Variants in PCDHA2 observed in about 807,000 individuals in gnomAD.
The protein encoded by PCDHA2 is protocadherin alpha 2.
A neutral mutation model predicts 66.0 loss-of-function variants in PCDHA2; 58 were observed. The ratio of observed to expected loss-of-function variants is 0.88; its 90% CI spans 0.71 to 1.09. The LOEUF is 1.09. PCDHA2 is among the 50% of genes least tolerant of loss of function. PCDHA2 has a pLI of 0.00. For missense variants in PCDHA2, 1,267 were observed against 1,242.3 expected (o/e 1.02, Z -0.30); for synonymous variants, 634 against 554.0 (o/e 1.14, Z -2.03).
At chr5:140,835,382 T>C (rs2150234724) in intron 1 of PCDHA2, 2 of 1,613,964 alleles carry the variant, frequency 1.2e-6, no homozygotes, top group East Asian at 4.5e-5. Context: ...TGGCTGGTCA[T>C]TGTACAGTTC....
At chr5:140,827,834 A>T in intron 1 of PCDHA2, 2 of 435,400 alleles carry the variant, frequency 4.6e-6, no homozygotes, top group Non-Finnish European at 4.0e-6. Context: ...AAGTAGAGAA[A>T]AGAAGATACT....
chr5:140,943,751 T>C (rs947548745), intron 1 of PCDHA2, among the ~76,000 whole-genome samples: 1 of 152,048 alleles, frequency 6.6e-6, no homozygotes, highest in South Asian at 2.1e-4. Flanking sequence ...CTAAAAGCAG[T>C]AGGAGATGTA....
intron 1 of PCDHA2, among the ~76,000 whole-genome samples, chr5:140,922,430 A>C (rs574413053): frequency 6.6e-6 from 1 of 152,364 alleles, no homozygotes; most frequent in East Asian, 1.9e-4. Flanking sequence ...GGCTGAGGGC[A>C]GAACTCTCTC....
intron 1 of PCDHA2, among the ~76,000 whole-genome samples, chr5:140,797,825 T>C (rs1249135822): frequency 2.6e-5 from 4 of 152,036 alleles, no homozygotes; most frequent in Non-Finnish European, 4.4e-5. Context: ...CCCTTGTCTA[T>C]GCAATAGTTA....
At chr5:140,881,361 C>T (rs990387338) in intron 1 of PCDHA2, 4 of 985,122 alleles carry the variant, frequency 4.1e-6, no homozygotes, top group Non-Finnish European at 2.4e-6. Context: ...GCGTGGCTTT[C>T]GTATGAATTG....
At chr5:140,828,389 G>A (rs1769730233) in intron 1 of PCDHA2, 1 of 1,614,162 alleles carries the variant, frequency 6.2e-7, no homozygotes, top group Admixed American at 1.7e-5. Context: ...CGGGCGGAGC[G>A]CGGAGTGCAG....
At chr5:140,844,694 T>C (rs2150373280) in intron 1 of PCDHA2, among the ~76,000 whole-genome samples, 1 of 149,782 alleles carries the variant, frequency 6.7e-6, no homozygotes, top group Admixed American at 6.7e-5. Context: ...ATACAGAATA[T>C]TTGGGATTAT....
At chr5:140,827,898 G>T in intron 1 of PCDHA2, 1 of 748,536 alleles carries the variant, frequency 1.3e-6, no homozygotes, top group Non-Finnish European at 2.2e-6. Context: ...CTTACCTTTT[G>T]GAGCCGCATG....
intron 1 of PCDHA2, among the ~76,000 whole-genome samples, chr5:140,917,167 ATGG>A (rs1237150759): frequency 6.6e-6 from 1 of 152,160 alleles, no homozygotes; most frequent in African/African-American, 2.4e-5. Flanking sequence ...GGGAGGGGTG[ATGG>A]TGGTGATCCC....
At chr5:140,970,650 ATTG>A (rs2096422935) in intron 1 of PCDHA2, among the ~76,000 whole-genome samples, 1 of 152,200 alleles carries the variant, frequency 6.6e-6, no homozygotes, top group South Asian at 2.1e-4. Flanking sequence ...ATAGTGATGA[ATTG>A]TTATCTTTCC....
intron 1 of PCDHA2, among the ~76,000 whole-genome samples, chr5:140,925,641 T>TAATA (rs2082614636): frequency 7.0e-6 from 1 of 143,358 alleles, no homozygotes; most frequent in Non-Finnish European, 1.5e-5. Flanking sequence ...GAACTTAAAG[T>TAATA]ATAATAATAA....
At chr5:140,880,840 GT>G (rs1554171522) in intron 1 of PCDHA2, among the ~76,000 whole-genome samples, 2 of 152,176 alleles carry the variant, frequency 1.3e-5, no homozygotes, top group Admixed American at 6.5e-5. Flanking sequence ...ATTTTAAATG[GT>G]TGACTATGTA....
At chr5:140,848,690 G>A in intron 1 of PCDHA2, 8 of 1,592,462 alleles carry the variant, frequency 5.0e-6, no homozygotes, top group Non-Finnish European at 6.9e-6. Flanking sequence ...GCCTGTTCCA[G>A]TTGGATTCCA....
intron 1 of PCDHA2, among the ~76,000 whole-genome samples, chr5:140,887,968 T>C (rs1434403033): frequency 6.6e-6 from 1 of 152,242 alleles, no homozygotes; most frequent in Non-Finnish European, 1.5e-5. Context: ...TTTGTCTCTT[T>C]TAAAATTTAT....
chr5:140,911,165 G>A (rs931843921), intron 1 of PCDHA2, among the ~76,000 whole-genome samples: 3 of 152,178 alleles, frequency 2.0e-5, no homozygotes, highest in Non-Finnish European at 4.4e-5. Context: ...AATGTGGAAA[G>A]GCTGATGGCA....
At chr5:140,941,241 T>TTCTTTCTTTCTTTCTTTCTTTC in intron 1 of PCDHA2, among the ~76,000 whole-genome samples, 2 of 140,458 alleles carry the variant, frequency 1.4e-5, no homozygotes, top group South Asian at 4.5e-4. Context: ...CTTTCTTTCT[T>TTCTTTCTTTCTTTCTTTCTTTC]TCTTTCTTTC....
intron 3 of PCDHA2, among the ~76,000 whole-genome samples, chr5:141,005,605 G>A (rs1366861614): frequency 7.3e-5 from 11 of 150,146 alleles, no homozygotes; most frequent in African/African-American, 2.7e-4. Context: ...AGGAGGCTGA[G>A]GCAGGAGAAT....
At chr5:141,007,806 T>G (rs979059299) in intron 3 of PCDHA2, among the ~76,000 whole-genome samples, 12 of 152,220 alleles carry the variant, frequency 7.9e-5, no homozygotes, top group Non-Finnish European at 1.3e-4. Context: ...TATCTGCCAT[T>G]CATTTGCCTT....
At chr5:140,835,975 T>C (rs2150249411) in intron 1 of PCDHA2, 4 of 1,613,318 alleles carry the variant, frequency 2.5e-6, no homozygotes, top group Non-Finnish European at 3.4e-6. Context: ...CTGGAGCTGT[T>C]GCAGTTCCAG....
Sources: gnomAD v4.1 joint callset for allele counts (sites outside exome capture counted in the v4.1 genomes callset) on GRCh38, gnomAD v4.1.1 for gene constraint, MANE v1.5 for transcripts, NCBI Gene and HGNC (gene_info 2026-07-23, HGNC 2026-07-21) for gene names.